The following ELOVL6 variants were observed in gnomAD, a reference collection of about 807,000 sequenced individuals.
The protein encoded by ELOVL6 is ELOVL fatty acid elongase 6, also known as very long chain fatty acid elongase 6.
Under a neutral mutation model 31.7 loss-of-function variants are expected in ELOVL6, and 8 were observed. The ratio of observed to expected loss-of-function variants is 0.25; its 90% confidence interval spans 0.15 to 0.45. The LOEUF (loss-of-function observed/expected upper bound fraction) is 0.45, where lower values mean the gene tolerates loss of function less well. Among genes scored for constraint, ELOVL6 ranks in the 20% least tolerant of loss-of-function variants. The pLI is 1.00. For missense variants in ELOVL6, 126 were observed against 326.4 expected (o/e 0.39, Z 4.73); for synonymous variants, 101 against 117.7 (o/e 0.86, Z 0.92).
At chr4:110,121,770 T>C (rs534077111) in intron 1 of ELOVL6, among the ~76,000 whole-genome samples, 1 of 152,336 alleles carries the variant, frequency 6.6e-6, no homozygotes, top group Admixed American at 6.5e-5. Flanking sequence ...CAGTTAAAAA[T>C]ATAAATCACT....
At chr4:110,164,556 G>A (rs1309137868) in intron 1 of ELOVL6, among the ~76,000 whole-genome samples, 1 of 151,814 alleles carries the variant, frequency 6.6e-6, no homozygotes, top group Non-Finnish European at 1.5e-5. Flanking sequence ...CTGAGGCAAC[G>A]TGGCGAAAGC....
intron 2 of ELOVL6, among the ~76,000 whole-genome samples, chr4:110,095,719 G>C (rs1335752067): frequency 6.6e-6 from 1 of 152,156 alleles, no homozygotes. Context: ...ATATCCTTGG[G>C]TAGAGGAAAC....
chr4:110,159,833 A>G lies in ELOVL6; in HGVS notation c.89+38414T>C, dbSNP rs1314815966. 2.0e-5 allele frequency among the ~76,000 whole-genome samples: 3 copies of G among 152,218 alleles called. No individual in the cohort carries two copies. The East Asian group carries it at 5.8e-4, about 29-fold the overall frequency. ...CAAAAATTTTAACCTCTCACAATCT[A>G]AAAGATGAAAGTGTATCTCATTGCT... On this transcript the variant is annotated intron_variant, in intron 1 of 3. Transcript: ENST00000302274.
intron 2 of ELOVL6, among the ~76,000 whole-genome samples, chr4:110,090,749 T>G (rs1267990191): frequency 6.6e-6 from 1 of 151,882 alleles, no homozygotes; most frequent in Non-Finnish European, 1.5e-5. Context: ...GGATTACAGG[T>G]GTGCACCACC....
chr4:110,118,786 G>C (rs1757260261), intron 1 of ELOVL6, among the ~76,000 whole-genome samples: 1 of 152,172 alleles, frequency 6.6e-6, no homozygotes, highest in African/African-American at 2.4e-5. Flanking sequence ...TTGAGAGTAG[G>C]CCAGATGCAA....
Position 110,084,406 on chromosome 4 carries a change from A to ATCACATATG in ELOVL6, c.221+21090_221+21091insCATATGTGA, listed in dbSNP as rs1177579583. Among the ~76,000 whole-genome samples, 61 of 103,058 alleles carry ATCACATATG rather than the reference A, an allele frequency of 5.9e-4. 2 individuals carry two copies. The East Asian group carries it at 0.012, about 21-fold the overall frequency. 67.6% of individuals were successfully genotyped at this position (103,058 alleles called of 152,430 possible). On this transcript the variant is annotated intron_variant, in intron 2 of 3. Transcript: ENST00000302274. ...ATATCGCATATATGATATATGATATATGACATACATGATATATCACATATA... is the reference window on the plus strand; with the variant it reads ...ATATCGCATATATGATATATGATATATCACATATGTGACATACATGATATATCACATATA...
chr4:110,143,017 G>C (rs921365484), intron 1 of ELOVL6, among the ~76,000 whole-genome samples: 1 of 152,144 alleles, frequency 6.6e-6, no homozygotes, highest in Non-Finnish European at 1.5e-5. Flanking sequence ...CTACCAGTTA[G>C]AAGCTAATAG....
At chr4:110,170,301 G>T (rs564699068) in intron 1 of ELOVL6, among the ~76,000 whole-genome samples, 5 of 152,204 alleles carry the variant, frequency 3.3e-5, no homozygotes, top group African/African-American at 1.2e-4. Context: ...TTTGAATTAT[G>T]CAAAAAACAA....
At chr4:110,089,129 T>G (rs1048626950) in intron 2 of ELOVL6, among the ~76,000 whole-genome samples, 1 of 152,136 alleles carries the variant, frequency 6.6e-6, no homozygotes, top group Admixed American at 6.5e-5. Context: ...CTCCGACAGC[T>G]ATTTCAAGTG....
At chr4:110,073,067 G>A (rs4698807) in intron 2 of ELOVL6, among the ~76,000 whole-genome samples, 1 of 151,984 alleles carries the variant, frequency 6.6e-6, no homozygotes, top group South Asian at 2.1e-4. Flanking sequence ...TTAAACTCTC[G>A]TACCTATTCT....
At chr4:110,175,504 CAT>C (rs768292988) in intron 1 of ELOVL6, among the ~76,000 whole-genome samples, 6 of 152,116 alleles carry the variant, frequency 3.9e-5, no homozygotes, top group Non-Finnish European at 7.4e-5. Flanking sequence ...TAAATACTGA[CAT>C]ATGTAAGTAA....
chr4:110,080,372 G>A (rs537767229), intron 2 of ELOVL6, among the ~76,000 whole-genome samples: 20 of 152,156 alleles, frequency 1.3e-4, no homozygotes, highest in African/African-American at 1.9e-4. Context: ...ATCCAGCAGC[G>A]CATCAAAAAG....
intron 2 of ELOVL6, among the ~76,000 whole-genome samples, chr4:110,086,567 C>T (rs890713952): frequency 6.6e-6 from 1 of 152,082 alleles, no homozygotes; most frequent in Non-Finnish European, 1.5e-5. Context: ...AACCACTCTC[C>T]CTCAGAAGTT....
chr4:110,080,742 G>A (rs1388698409), intron 2 of ELOVL6, among the ~76,000 whole-genome samples: 4 of 152,042 alleles, frequency 2.6e-5, no homozygotes, highest in South Asian at 2.1e-4. Context: ...TTCTGGCCAG[G>A]GTAATCAGGC....
intron 2 of ELOVL6, among the ~76,000 whole-genome samples, chr4:110,085,494 C>A (rs1578469959): frequency 6.6e-6 from 1 of 152,114 alleles, no homozygotes; most frequent in Non-Finnish European, 1.5e-5. Context: ...CAGTGTGATA[C>A]CTGTCTGGAG....
At chr4:110,159,541 ACT>A (rs781514137) in intron 1 of ELOVL6, among the ~76,000 whole-genome samples, 2 of 151,984 alleles carry the variant, frequency 1.3e-5, no homozygotes, top group Non-Finnish European at 2.9e-5. Context: ...TTCCTAATGA[ACT>A]CTCTTCCACT....
chr4:110,154,420 A>G (rs1187409150), intron 1 of ELOVL6, among the ~76,000 whole-genome samples: 2 of 151,920 alleles, frequency 1.3e-5, no homozygotes, highest in African/African-American at 4.8e-5. Context: ...ACACCTGACT[A>G]ATTTTTGTAT....
chr4:110,195,848 G>C (rs1759759977), intron 1 of ELOVL6, among the ~76,000 whole-genome samples: 3 of 152,180 alleles, frequency 2.0e-5, no homozygotes, highest in Non-Finnish European at 4.4e-5. Flanking sequence ...GCAGAATCAA[G>C]AGTGGGATGA....
intron 3 of ELOVL6, among the ~76,000 whole-genome samples, chr4:110,059,179 A>T (rs1401919530): frequency 6.6e-6 from 1 of 152,164 alleles, no homozygotes; most frequent in Non-Finnish European, 1.5e-5. Context: ...TCCCCAAATG[A>T]AAAGCTTAAT....
Sources: gnomAD v4.1 joint callset for allele counts (sites outside exome capture counted in the v4.1 genomes callset) on GRCh38, gnomAD v4.1.1 for gene constraint, MANE v1.5 for transcripts, NCBI Gene and HGNC (gene_info 2026-07-23, HGNC 2026-07-21) for gene names.